Variants in ADCY8 observed in about 807,000 individuals in gnomAD.
The protein encoded by ADCY8 is adenylate cyclase 8, also known as adenylate cyclase type 8.
In ADCY8, 51 loss-of-function variants were observed where a neutral mutation model predicts 119.7. The observed-to-expected ratio is 0.43, with a 90% CI of 0.34 to 0.54. ADCY8 has a LOEUF of 0.54. Among genes scored for constraint, ADCY8 ranks in the 20% least tolerant of loss-of-function variants. The probability of loss-of-function intolerance (pLI) is 0.03; values close to 1 mark genes in which losing one functional copy is unlikely to be tolerated. For missense variants in ADCY8, 1,383 were observed against 1,598.8 expected, an observed-to-expected ratio of 0.87 and a Z score of 2.30; for synonymous variants, 665 against 651.0, an observed-to-expected ratio of 1.02 and a Z score of -0.33.
Position 131,040,312 on chromosome 8 carries a change from A to G in ADCY8, c.22T>C (p.Cys8Arg). The G allele has an allele frequency of 6.5e-7, 1 of 1,537,918 alleles. No homozygotes were observed. The highest frequency in any genetic ancestry group is 8.7e-7 in the Non-Finnish European group (1 of 1,146,900). The change falls in exon 1 of 18, where the codon TGC (cysteine) becomes CGC (arginine). Residue 8 changes from cysteine to arginine, a missense_variant. By Grantham distance (180) the Cys-to-Arg change is radical. Transcript: ENST00000286355. The stretch of plus-strand genomic sequence containing the variant: ...TAGAGTTCCTCGCTGCCTGTAAGGC[A>G]GCGCACATCGGAGAGCTCCATGGCT... MELSDVR[C>R]LTGSEELYTI...
rs1242386723 is a variant in ADCY8 at position 130,955,708 on chromosome 8, A to G, written c.1111-3710T>C. Among the ~76,000 whole-genome samples the G allele has an allele frequency of 2.6e-5, 4 of 152,356 alleles. No homozygotes were observed. The East Asian group carries it at 5.8e-4, about 22-fold the overall frequency. On this transcript the variant is annotated intron_variant, in intron 2 of 17. Transcript: ENST00000286355. ...TAAATGAAAAATTAAGAAACTTTACAACTGCAATCTAAGATGACCCATAGT... is the reference window on the plus strand; with the variant it reads ...TAAATGAAAAATTAAGAAACTTTACGACTGCAATCTAAGATGACCCATAGT...
chr8:130,903,818 G>T lies in ADCY8; in HGVS notation c.1865C>A (p.Ser622Tyr). The T allele has an allele frequency of 6.2e-7, 1 of 1,613,556 alleles. No individual in the cohort carries two copies. The highest frequency in any genetic ancestry group is 8.5e-7 in the Non-Finnish European group (1 of 1,179,992). Reference protein sequence around the residue: ...RNSGATFTEGSWSPELPFDNI... With the variant: ...RNSGATFTEGYWSPELPFDNI... Reference sequence around the variant, plus strand: ...ATCAAAGGGCAGTTCAGGGCTCCAGGATCCTTCAGTGAATGTGGCCCCACT... The same window carrying T: ...ATCAAAGGGCAGTTCAGGGCTCCAGTATCCTTCAGTGAATGTGGCCCCACT... The change falls in exon 7 of 18, where the codon TCC becomes TAC. Residue 622 changes from serine to tyrosine, a missense_variant. Ser to Tyr is a moderately radical substitution (Grantham distance 144, BLOSUM62 -2). Around this residue, in one of 2 missense-constraint regions of ADCY8, gnomAD observed 928 missense variants for 1,163.5 expected, o/e 0.80. Transcript: ENST00000286355.
chr8:130,803,924 G>A (rs1455863463), intron 14 of ADCY8, among the ~76,000 whole-genome samples: 1 of 152,242 alleles, frequency 6.6e-6, no homozygotes, highest in African/African-American at 2.4e-5. Flanking sequence ...GGCAGCTGAT[G>A]ACTGGCTAGG....
chr8:131,011,522 C>A (rs1823303900), intron 1 of ADCY8, among the ~76,000 whole-genome samples: 1 of 152,138 alleles, frequency 6.6e-6, no homozygotes, highest in African/African-American at 2.4e-5. Flanking sequence ...AGTGCCTGAC[C>A]CCCAGAGGAT....
At chr8:130,950,545 A>G (rs890493108) in intron 3 of ADCY8, among the ~76,000 whole-genome samples, 1 of 152,192 alleles carries the variant, frequency 6.6e-6, no homozygotes, top group African/African-American at 2.4e-5. Flanking sequence ...GGTCAGAGAC[A>G]GTGGCAGTGG....
Position 131,040,082 on chromosome 8 carries a change from T to A in ADCY8, c.252A>T (p.Ser84=). 6.5e-7 allele frequency: 1 copy of A among 1,534,224 alleles called. No homozygotes were observed. Among genetic ancestry groups the A allele is most frequent in the Non-Finnish European group, 8.7e-7 (1 of 1,145,986 alleles). ...GGPNHHAPQL[S]GDSALPLYSL... is the part of the protein sequence containing the mutation. The stretch of plus-strand genomic sequence containing the variant: ...AGTAGAGGGGCAGCGCCGAGTCGCC[T>A]GACAGCTGCGGCGCGTGGTGGTTGG... Residue 84 remains serine, a synonymous_variant, in exon 1 of 18, where the codon TCA becomes TCT. Coordinates refer to ENST00000286355, the MANE Select transcript of ADCY8 (RefSeq NM_001115.3).
chr8:130,961,548 A>G (rs1428723473), intron 2 of ADCY8, among the ~76,000 whole-genome samples: 1 of 152,036 alleles, frequency 6.6e-6, no homozygotes, highest in South Asian at 2.1e-4. Flanking sequence ...AAAGTTGCTT[A>G]ATGTTCTTTC....
chr8:131,013,872 C>T (rs999357819), intron 1 of ADCY8, among the ~76,000 whole-genome samples: 4 of 152,164 alleles, frequency 2.6e-5, no homozygotes, highest in African/African-American at 9.7e-5. Context: ...AGTCTTGATC[C>T]TAACTCCTTC....
chr8:130,850,058 T>C (rs263242), intron 9 of ADCY8, among the ~76,000 whole-genome samples: 77,899 of 151,890 alleles, frequency 0.51, 20,726 homozygotes, highest in South Asian at 0.67. Flanking sequence ...TTTTTCCCTC[T>C]TATTAATTTT....
intron 1 of ADCY8, among the ~76,000 whole-genome samples, chr8:131,033,413 C>T (rs905262321): frequency 2.6e-5 from 4 of 152,132 alleles, no homozygotes; most frequent in Non-Finnish European, 5.9e-5. Context: ...TGTCATCAAT[C>T]ATCAAAGTGT....
At chr8:130,925,782 TG>T (rs1189688883) in intron 5 of ADCY8, among the ~76,000 whole-genome samples, 1 of 152,246 alleles carries the variant, frequency 6.6e-6, no homozygotes, top group African/African-American at 2.4e-5. Flanking sequence ...TATTGTCTGT[TG>T]GGTGACTCTT....
intron 15 of ADCY8, among the ~76,000 whole-genome samples, chr8:130,791,185 C>T (rs1375193253): frequency 1.3e-5 from 2 of 152,204 alleles, no homozygotes; most frequent in African/African-American, 2.4e-5. Context: ...AGAAATTTTA[C>T]AGCAGGCTGT....
intron 15 of ADCY8, among the ~76,000 whole-genome samples, chr8:130,787,794 C>T (rs1019647645): frequency 3.3e-5 from 5 of 150,200 alleles, no homozygotes; most frequent in East Asian, 1.9e-4. Flanking sequence ...TGTGGGTGCA[C>T]ACACACATGT....
intron 15 of ADCY8, among the ~76,000 whole-genome samples, chr8:130,798,829 C>A (rs1815672215): frequency 6.6e-6 from 1 of 152,038 alleles, no homozygotes; most frequent in Non-Finnish European, 1.5e-5. Context: ...TCACAACAGG[C>A]AAAATACAGA....
chr8:130,821,350 C>T lies in ADCY8; in HGVS notation c.2746G>A (p.Gly916Arg). The T allele has an allele frequency of 6.2e-7, 1 of 1,612,894 alleles. No homozygotes were observed. The highest frequency in any genetic ancestry group is 8.5e-7 in the Non-Finnish European group (1 of 1,179,116). The change falls in exon 13 of 18, where the codon GGA becomes AGA. Residue 916 changes from glycine to arginine, a missense_variant. Physicochemically the swap from Gly to Arg is moderately radical, Grantham distance 125 (BLOSUM62 -2). Coordinates refer to ENST00000286355, the MANE Select transcript of ADCY8 (RefSeq NM_001115.3). ...AMFLLAVFYH[G>R]QQLEYTARLD... ...GCGAAATGTTAGATTACCTGCTGTC[C>T]ATGGTAGAACACAGCCAGGAGGAAC... is the stretch of plus-strand genomic sequence containing the variant.
rs991369629 is a variant in ADCY8 at position 131,039,950 on chromosome 8, G to A, written c.384C>T (p.Gly128=). 1 of 1,593,274 alleles carries A rather than the reference G, an allele frequency of 6.3e-7. No individual in the cohort carries two copies. Among genetic ancestry groups the A allele is most frequent in the Middle Eastern group, 1.7e-4 (1 of 6,008 alleles). The change falls in exon 1 of 18, where the codon GGC becomes GGT. Residue 128 remains glycine, a synonymous_variant. Transcript: ENST00000286355. ...TAGGGGCACAGTCAAGGTGCAGGAA[G>A]CCCAGGTCGCCCCCGCCTCCGCTGC... ...ASGSGGGGDL[G]FLHLDCAPSN...
chr8:131,029,904 T>C (rs922960846), intron 1 of ADCY8, among the ~76,000 whole-genome samples: 1 of 152,024 alleles, frequency 6.6e-6, no homozygotes, highest in Non-Finnish European at 1.5e-5. Context: ...GAAATGGTCA[T>C]CTACTATTCA....
intron 2 of ADCY8, among the ~76,000 whole-genome samples, chr8:130,966,329 A>G (rs1355795769): frequency 6.6e-6 from 1 of 152,170 alleles, no homozygotes; most frequent in Non-Finnish European, 1.5e-5. Flanking sequence ...AGAACTCTGC[A>G]TGGGTCAAAC....
At chr8:130,947,604 G>A (rs1182930743) in intron 3 of ADCY8, among the ~76,000 whole-genome samples, 2 of 152,146 alleles carry the variant, frequency 1.3e-5, no homozygotes, top group African/African-American at 4.8e-5. Context: ...ATGTTGACAG[G>A]GCTGGCTGGA....
Sources: allele counts gnomAD v4.1 joint callset (sites outside exome capture counted in the v4.1 genomes callset), GRCh38; gene constraint gnomAD v4.1.1; regional missense constraint gnomAD v4.1.1; transcripts MANE v1.5; gene names NCBI Gene and HGNC (gene_info 2026-07-23, HGNC 2026-07-21).